TMEM165: variants seen among roughly 807,000 people sequenced by gnomAD.
TMEM165 encodes the protein putative divalent cation/proton antiporter TMEM165.
A neutral mutation model predicts 30.0 loss-of-function variants in TMEM165; 19 were observed. That is an observed-to-expected ratio of 0.63 (90% CI 0.44 to 0.93). TMEM165 has a LOEUF of 0.93. Among genes scored for constraint, TMEM165 ranks in the 40% least tolerant of loss-of-function variants. The pLI, the probability that TMEM165 is intolerant of heterozygous loss-of-function variation, is 0.00. For missense variants in TMEM165, 340 were observed against 417.0 expected (o/e 0.82, Z 1.61); for synonymous variants, 168 against 162.9 (o/e 1.03, Z -0.24).
rs751484742 is a variant in TMEM165, at chr4:55,403,369, T to G, written c.207+6973T>G. Reference sequence around the variant, plus strand: ...TGTATCAATTTCAATACAGTCACATTTGTGTTTATTTGAACTCTAGAACTA... The same window carrying G: ...TGTATCAATTTCAATACAGTCACATGTGTGTTTATTTGAACTCTAGAACTA... On this transcript the variant is annotated intron_variant, in intron 1 of 5. Transcript: ENST00000381334. The G allele has an allele frequency of 1.2e-5, 13 of 1,123,830 alleles. No individual in the cohort carries two copies. In the South Asian group the frequency reaches 1.3e-4, roughly 12 times the overall value. 69.6% of individuals were successfully genotyped at this position (1,123,830 alleles called of 1,614,324 possible). A position where few individuals can be genotyped will look rare whatever the true frequency, so the allele number is the denominator to read the frequency against.
chr4:55,424,555 C>T lies in TMEM165; in HGVS notation c.810C>T (p.Ala270=), dbSNP rs753083852. 36 of 1,612,696 alleles carry T rather than the reference C, an allele frequency of 2.2e-5. No homozygotes were observed. Among genetic ancestry groups the T allele is most frequent in the South Asian group, 6.6e-5 (6 of 91,050 alleles). ...GCTTCCAGGACCCCTATGGTGTAGCCGTGGGTGGAACTGTGGGGCACTGCC... is the reference window on the plus strand; with the variant it reads ...GCTTCCAGGACCCCTATGGTGTAGCTGTGGGTGGAACTGTGGGGCACTGCC... The part of the protein sequence containing the change: ...LAAREDPYGV[A]VGGTVGHCLC... The change falls in exon 5 of 6, where the codon GCC becomes GCT. Residue 270 remains alanine (A), a synonymous_variant. Transcript: ENST00000381334.
chr4:55,450,906 G>A (rs1724383058), intron 3 of TMEM165, among the ~76,000 whole-genome samples: 1 of 152,108 alleles, frequency 6.6e-6, no homozygotes, highest in Non-Finnish European at 1.5e-5. Context: ...AAGCTGAGAA[G>A]AGAATTGCTT....
At chr4:55,428,573 T>A (rs1328072955), downstream of TMEM165, 1 of 152,186 alleles carries the variant, frequency 6.6e-6, no homozygotes, top group African/African-American at 2.4e-5. Context: ...GGTATTCTTA[T>A]CTCAAGATCA....
chr4:55,417,611 G>A lies in TMEM165; in HGVS notation c.610-192G>A, dbSNP rs188472565. 3.0e-4 allele frequency: 178 copies of A among 587,994 alleles called. 1 individual carries two copies. The Admixed American group carries it at 5.3e-3, about 17-fold the overall frequency. The allele number at this position is 587,994 out of a possible 1,614,324, so 36.4% of individuals were successfully genotyped here. A position where few individuals can be genotyped will look rare whatever the true frequency, so the allele number is the denominator to read the frequency against. On this transcript the variant is annotated intron_variant, in intron 3 of 5. Coordinates refer to ENST00000381334, the MANE Select transcript of TMEM165 (RefSeq NM_018475.5). ...TTGGTTTGTTCAGCTGAGGAGAAAC[G>A]GAAGAATTGAGACTATAGCATTTGT...
intron 3 of TMEM165, among the ~76,000 whole-genome samples, chr4:55,448,600 GC>G (rs1724124549): frequency 1.9e-5 from 1 of 52,062 alleles, no homozygotes. Context: ...GCGCACGCGC[GC>G]GTGTGTGTGT....
At chr4:55,443,044 A>G (rs1723502256) in intron 3 of TMEM165, among the ~76,000 whole-genome samples, 1 of 152,124 alleles carries the variant, frequency 6.6e-6, no homozygotes, top group African/African-American at 2.4e-5. Flanking sequence ...CCCTCCCCCA[A>G]CAGTCTATTC....
In TMEM165 at chr4:55,441,822, T is replaced by C. The variant is rs142525934; in HGVS notation, c.409-10417T>C. ...AAAATAAGTTATAGATGGTTGTTTT[T>C]CCAGAGCAGTCCACAAAACCTTCCT... is the stretch of plus-strand genomic sequence containing the variant. On this transcript the variant is annotated intron_variant, in intron 3 of 3. Transcript: ENST00000608091. 6.6e-3 allele frequency among the ~76,000 whole-genome samples: 999 copies of C among 152,260 alleles called. 17 individuals carry two copies. Among genetic ancestry groups the C allele is most frequent in the African/African-American group, 0.022 (929 of 41,528 alleles).
intron 4 of TMEM165, chr4:55,423,399 G>A (rs1420690537): frequency 6.6e-6 from 1 of 152,258 alleles, no homozygotes; most frequent in Non-Finnish European, 1.5e-5. Flanking sequence ...CCTTCCTTCA[G>A]TCTTGTTCCC....
At chr4:55,398,164 T>C (rs1720809926) in intron 1 of TMEM165, among the ~76,000 whole-genome samples, 1 of 152,242 alleles carries the variant, frequency 6.6e-6, no homozygotes, top group Non-Finnish European at 1.5e-5. Context: ...GCAAGAACAT[T>C]TGTAAGAATC....
chr4:55,398,909 G>C (rs1423862252), intron 1 of TMEM165: 2 of 149,324 alleles, frequency 1.3e-5, no homozygotes, highest in African/African-American at 4.9e-5. Context: ...ATTTTTAATA[G>C]TGTCTATCCA....
At chr4:55,450,666 G>A (rs543433787) in intron 3 of TMEM165, among the ~76,000 whole-genome samples, 1 of 152,052 alleles carries the variant, frequency 6.6e-6, no homozygotes. Context: ...CTACTCCGGC[G>A]GCTGAGGCAG....
intron 1 of TMEM165, among the ~76,000 whole-genome samples, chr4:55,407,964 C>T (rs1443105874): frequency 1.3e-5 from 2 of 152,082 alleles, no homozygotes; most frequent in East Asian, 1.9e-4. Context: ...AAGGTCACGC[C>T]GTAACTGATA....
chr4:55,419,777 A>T (rs1477688851), intron 4 of TMEM165, among the ~76,000 whole-genome samples: 2 of 152,036 alleles, frequency 1.3e-5, no homozygotes, highest in Non-Finnish European at 2.9e-5. Flanking sequence ...TTCTTTAATT[A>T]TAGGCTGTGG....
intron 1 of TMEM165, 68 bp from the exon 2 acceptor site, chr4:55,411,546 T>A: frequency 7.1e-7 from 1 of 1,414,302 alleles, no homozygotes; most frequent in Non-Finnish European, 9.7e-7. Flanking sequence ...AAACTAAATC[T>A]TATTTACGTG....
chr4:55,449,788 C>T lies in TMEM165; in HGVS notation c.409-2451C>T, dbSNP rs370085120. Among the ~76,000 whole-genome samples, 84 of 150,800 alleles carry T rather than the reference C, an allele frequency of 5.6e-4. 1 individual carries two copies. The South Asian group carries it at 0.017, about 31-fold the overall frequency. The stretch of plus-strand genomic sequence containing the variant: ...AATAAAAAACTTTCAAAAAGCAAAC[C>T]TAAGAACACTTACTGGCCCTACAGT... On this transcript the variant is annotated intron_variant, in intron 3 of 3. Transcript: ENST00000608091.
chr4:55,444,487 ACTGAG>A, intron 3 of TMEM165: 1 of 914,682 alleles, frequency 1.1e-6, no homozygotes, highest in Non-Finnish European at 1.7e-6. Context: ...GTATAATCAT[ACTGAG>A]TAGGTAACCA....
intron 3 of TMEM165, chr4:55,442,408 T>C: frequency 6.3e-7 from 1 of 1,587,386 alleles, no homozygotes; most frequent in Non-Finnish European, 8.6e-7. Context: ...ATTTTAAAAA[T>C]AACAAATGAA....
chr4:55,417,361 GCTT>G (rs1721778788), intron 3 of TMEM165, 114 bp downstream of exon 3: 7 of 1,034,560 alleles, frequency 6.8e-6, no homozygotes, highest in Admixed American at 2.9e-5. Flanking sequence ...CACAAAAATA[GCTT>G]CTTTTGCTTT....
chr4:55,403,083 C>G (rs1028259133), intron 1 of TMEM165, among the ~76,000 whole-genome samples: 1 of 152,160 alleles, frequency 6.6e-6, no homozygotes, highest in Non-Finnish European at 1.5e-5. Flanking sequence ...AGCCACCACA[C>G]CCGGCCCCTA....
Sources: gnomAD v4.1 joint callset for allele counts (sites outside exome capture counted in the v4.1 genomes callset) on GRCh38, gnomAD v4.1.1 for gene constraint, MANE v1.5 for transcripts, NCBI Gene and HGNC (gene_info 2026-07-23, HGNC 2026-07-21) for gene names.